The following HIVEP1 variants were observed in gnomAD, a reference collection of about 807,000 sequenced individuals.
HIVEP1 encodes the protein zinc finger protein 40.
In HIVEP1, 36 loss-of-function variants were observed where a neutral mutation model predicts 180.0. The ratio of observed to expected loss-of-function variants is 0.20; its 90% CI spans 0.15 to 0.26. The LOEUF (loss-of-function observed/expected upper bound fraction) is 0.26, where lower values mean the gene tolerates loss of function less well. HIVEP1 is among the 10% of genes least tolerant of loss of function. HIVEP1 has a pLI of 1.00. For synonymous variants in HIVEP1, 1,239 were observed against 1,239.0 expected (o/e 1.00, Z 0.00); for missense variants, 3,143 against 3,268.7 (o/e 0.96, Z 0.94).
In HIVEP1 at chr6:12,108,292, G is replaced by C. The variant is rs535821440; in HGVS notation, c.95-11598G>C. On this transcript the variant is annotated intron_variant, in intron 3 of 8. Coordinates refer to ENST00000379388, the MANE Select transcript of HIVEP1 (RefSeq NM_002114.4). ...TGAGCTAGACATAAAGATTCTCCGC[G>C]TCCCCACCAGACTCAGGAGCCCAGC... 6.6e-5 allele frequency among the ~76,000 whole-genome samples: 10 copies of C among 152,336 alleles called. No homozygotes were observed. In the South Asian group the frequency reaches 1.5e-3, roughly 22 times the overall value.
intron 6 of HIVEP1, among the ~76,000 whole-genome samples, chr6:12,133,961 G>GT (rs1758571665): frequency 6.7e-6 from 1 of 150,036 alleles, no homozygotes; most frequent in Admixed American, 6.6e-5. Context: ...CTGGGCAACA[G>GT]TAAGACTCCG....
chr6:12,108,307 A>G (rs1039009843), intron 3 of HIVEP1, among the ~76,000 whole-genome samples: 1 of 152,232 alleles, frequency 6.6e-6, no homozygotes, highest in African/African-American at 2.4e-5. Flanking sequence ...CACCAGACTC[A>G]GGAGCCCAGC....
chr6:12,114,874 T>C (rs1436321489), intron 3 of HIVEP1, among the ~76,000 whole-genome samples: 1 of 152,212 alleles, frequency 6.6e-6, no homozygotes, highest in Non-Finnish European at 1.5e-5. Flanking sequence ...AAAAGCCTTC[T>C]GAATGGCCTC....
chr6:12,051,102 TTC>T (rs1218957839), intron 2 of HIVEP1, among the ~76,000 whole-genome samples: 7 of 149,888 alleles, frequency 4.7e-5, no homozygotes, highest in African/African-American at 1.7e-4. Flanking sequence ...TCTGTCTCCT[TTC>T]TCTCACAGCG....
At chr6:12,117,812 A>AT (rs1332430448) in intron 3 of HIVEP1, among the ~76,000 whole-genome samples, 1 of 152,052 alleles carries the variant, frequency 6.6e-6, no homozygotes, top group Admixed American at 6.6e-5. Context: ...CTGTTTTTGT[A>AT]TTTATTTTAA....
chr6:12,179,807 A>G, the HIVEP1 span, among the ~76,000 whole-genome samples: 1 of 152,196 alleles, frequency 6.6e-6, no homozygotes, highest in African/African-American at 2.4e-5. Context: ...ATTTTTCCCA[A>G]CAGTAGTTAC....
intron 3 of HIVEP1, among the ~76,000 whole-genome samples, chr6:12,093,418 G>T (rs1406558570): frequency 6.6e-6 from 1 of 150,692 alleles, no homozygotes; most frequent in Non-Finnish European, 1.5e-5. Flanking sequence ...TCATTTTTTT[G>T]TATTTTTATT....
the HIVEP1 span, among the ~76,000 whole-genome samples, chr6:12,189,174 A>G: frequency 1.2e-4 from 18 of 152,100 alleles, no homozygotes; most frequent in South Asian, 3.5e-3. Context: ...TCACCAAAAT[A>G]AATTTCAGAT....
chr6:12,036,343 G>GA (rs1334947999), intron 2 of HIVEP1, among the ~76,000 whole-genome samples: 3 of 152,168 alleles, frequency 2.0e-5, no homozygotes, highest in African/African-American at 7.2e-5. Flanking sequence ...GTGGAAACAT[G>GA]AAAAATGTTC....
At chr6:12,203,334 C>T in the HIVEP1 span, among the ~76,000 whole-genome samples, 2 of 152,206 alleles carry the variant, frequency 1.3e-5, no homozygotes, top group Non-Finnish European at 2.9e-5. Flanking sequence ...GACGAAGGAT[C>T]CCTGTGAACG....
chr6:12,042,852 G>A (rs560293554), intron 2 of HIVEP1, among the ~76,000 whole-genome samples: 1 of 151,968 alleles, frequency 6.6e-6, no homozygotes, highest in Non-Finnish European at 1.5e-5. Flanking sequence ...TAAAATAATG[G>A]TTTCTGTTAT....
chr6:12,161,687 A>C lies in HIVEP1; in HGVS notation c.6736A>C (p.Met2246Leu). The C allele has an allele frequency of 6.2e-7, 1 of 1,614,170 alleles. No homozygotes were observed. Among genetic ancestry groups the C allele is most frequent in the Non-Finnish European group, 8.5e-7 (1 of 1,180,022 alleles). Residue 2246 changes from methionine to leucine, a missense_variant, in exon 8 of 9, where the codon ATG becomes CTG. Coordinates refer to ENST00000379388, the MANE Select transcript of HIVEP1 (RefSeq NM_002114.4). Reference protein sequence around the residue: ...DCFSGVHTDPMDVLPRALLTR... With the variant: ...DCFSGVHTDPLDVLPRALLTR... ...CTTTTCTGGGGTACACACGGACCCA[A>C]TGGACGTTCTGCCCAGGGCGCTGCT...
At chr6:12,211,827 G>C in the HIVEP1 span, among the ~76,000 whole-genome samples, 1 of 152,174 alleles carries the variant, frequency 6.6e-6, no homozygotes, top group African/African-American at 2.4e-5. Context: ...CCGTGGTTGA[G>C]ACTGATGTGA....
chr6:12,083,768 A>G (rs1354310042), intron 2 of HIVEP1, among the ~76,000 whole-genome samples: 2 of 152,186 alleles, frequency 1.3e-5, no homozygotes, highest in African/African-American at 4.8e-5. Flanking sequence ...AATCAAGTAC[A>G]TTTGGGACAT....
chr6:12,066,866 C>CTGTG (rs10650946), intron 2 of HIVEP1, among the ~76,000 whole-genome samples: 22,985 of 148,518 alleles, frequency 0.15, 2,186 homozygotes, highest in Non-Finnish European at 0.22. Flanking sequence ...AACAAAGACA[C>CTGTG]TGTGTGTGTG....
intron 8 of HIVEP1, 48 bp downstream of exon 8, chr6:12,161,977 A>C (rs201224270): frequency 6.6e-7 from 1 of 1,512,038 alleles, no homozygotes; most frequent in African/African-American, 1.4e-5. Context: ...GTTTTAACCT[A>C]TTAAATATGG....
At chr6:12,059,129 C>G (rs1771065092) in intron 2 of HIVEP1, among the ~76,000 whole-genome samples, 1 of 152,084 alleles carries the variant, frequency 6.6e-6, no homozygotes, top group Non-Finnish European at 1.5e-5. Flanking sequence ...CAGGCTATTT[C>G]AATTGGAATT....
chr6:12,204,246 G>A, the HIVEP1 span, among the ~76,000 whole-genome samples: 1 of 147,612 alleles, frequency 6.8e-6, no homozygotes, highest in Non-Finnish European at 1.5e-5. Flanking sequence ...TCTATCATAG[G>A]ACACTTCCCA....
Position 12,164,428 on chromosome 6 carries a change from T to C in HIVEP1, c.8124T>C (p.Asp2708=). The C allele has an allele frequency of 1.2e-6, 2 of 1,612,650 alleles. No individual in the cohort carries two copies. The highest frequency in any genetic ancestry group is 1.7e-6 in the Non-Finnish European group (2 of 1,179,558). Residue 2708 remains aspartate (D), a synonymous_variant, in exon 9 of 9, where the codon GAT becomes GAC. Transcript: ENST00000379388. ...TGCACTTCAGCGACGTGAGCAGCGA[T>C]GATGACGAGGACAGGCTTGTGATAG... The part of the protein sequence containing the change: ...PTVHFSDVSS[D]DDEDRLVIAT
Sources: allele counts gnomAD v4.1 joint callset (sites outside exome capture counted in the v4.1 genomes callset), GRCh38; gene constraint gnomAD v4.1.1; transcripts MANE v1.5; gene names NCBI Gene and HGNC (gene_info 2026-07-23, HGNC 2026-07-21).